The following VSIG1 variants were observed in gnomAD, a reference collection of about 807,000 sequenced individuals.
The protein encoded by VSIG1 is V-set and immunoglobulin domain containing 1, also known as V-set and immunoglobulin domain-containing protein 1.
VSIG1 carries 11 observed loss-of-function variants against 20.1 expected under a neutral mutation model. The observed-to-expected ratio is 0.55, with a 90% CI of 0.34 to 0.91. The LOEUF (loss-of-function observed/expected upper bound fraction) is 0.91, where lower values mean the gene tolerates loss of function less well. VSIG1 is among the 40% of genes least tolerant of loss of function. The pLI, the probability that VSIG1 is intolerant of heterozygous loss-of-function variation, is 0.02. For synonymous variants in VSIG1, 126 were observed against 116.7 expected (o/e 1.08, Z -0.52); for missense variants, 283 against 298.8 (o/e 0.95, Z 0.39).
At chrX:108,022,190 C>T in the VSIG1 span, among the ~76,000 whole-genome samples, 1 of 111,644 alleles carries the variant, frequency 9.0e-6, no homozygotes, top group African/African-American at 3.3e-5. Context: ...ACATGGGATG[C>T]CTTTCCATTT....
chrX:108,056,630 G>T (rs1020702020), intron 1 of VSIG1, among the ~76,000 whole-genome samples: 1 of 112,591 alleles, frequency 8.9e-6, no homozygotes, highest in African/African-American at 3.2e-5. Context: ...CCCATTAAAA[G>T]ATATTTAGCA....
At position 108,067,122 on chromosome X, in the gene VSIG1, G is replaced by C. The variant is rs199805320; in HGVS notation, c.400G>C (p.Val134Leu). The C allele has an allele frequency of 4.1e-6, 5 of 1,209,467 alleles. No individual in the cohort carries two copies. The East Asian group carries it at 1.5e-4, about 36-fold the overall frequency. ...CGGCCAAAACCAAGGCATCCTCAACGTCAGTGTGTTAGGTATGAGCACTTT... is the reference window on the plus strand; with the variant it reads ...CGGCCAAAACCAAGGCATCCTCAACCTCAGTGTGTTAGGTATGAGCACTTT... ...FLGQNQGILN[V>L]SVLVKPSKPL... is the part of the protein sequence containing the mutation. The change falls in exon 3 of 7, where the codon GTC (valine) becomes CTC (leucine). Residue 134 changes from valine to leucine, a missense_variant. Physicochemically the swap from Val to Leu is conservative, Grantham distance 32. Transcript: ENST00000217957.
At chrX:108,069,573 G>A (rs1183180056) in intron 3 of VSIG1, among the ~76,000 whole-genome samples, 1 of 111,290 alleles carries the variant, frequency 9.0e-6, no homozygotes. Context: ...GTGGGGAGAG[G>A]TGTTGATATT....
At chrX:108,035,289 C>T in the VSIG1 span, among the ~76,000 whole-genome samples, 7 of 110,689 alleles carry the variant, frequency 6.3e-5, no homozygotes, top group Non-Finnish European at 7.6e-5. Flanking sequence ...TTAGTAGAGG[C>T]GGGGTTTCAT....
rs1017804573 is a variant in VSIG1 at position 108,067,073 on chromosome X, T to C, written c.351T>C (p.Asp117=). 1 of 1,209,707 alleles carries C rather than the reference T, an allele frequency of 8.3e-7. No individual in the cohort carries two copies. Among genetic ancestry groups the C allele is most frequent in the Non-Finnish European group, 1.1e-6 (1 of 895,144 alleles). ...CAGACAGTGGAATTTACATCTGCGA[T>C]GTTAACAACCCCCCAGACTTTCTCG... ...QPADSGIYIC[D]VNNPPDFLGQ... The change falls in exon 3 of 7, where the codon GAT becomes GAC. Residue 117 remains aspartate, a synonymous_variant. Transcript: ENST00000217957.
At chrX:108,071,825 T>G (rs1384137010) in intron 3 of VSIG1, among the ~76,000 whole-genome samples, 1 of 102,888 alleles carries the variant, frequency 9.7e-6, no homozygotes, top group African/African-American at 3.6e-5. Context: ...GGACTTCCCC[T>G]ACTGATGATG....
the VSIG1 span, among the ~76,000 whole-genome samples, chrX:108,032,355 C>T: frequency 4.5e-5 from 5 of 112,020 alleles, no homozygotes; most frequent in African/African-American, 1.3e-4. Context: ...TCCATTTATT[C>T]AGTAAATATT....
chrX:108,052,161 G>C (rs1243417535), intron 1 of VSIG1, among the ~76,000 whole-genome samples: 1 of 111,648 alleles, frequency 9.0e-6, no homozygotes, highest in African/African-American at 3.3e-5. Context: ...AGTGTACACT[G>C]TTCGGGTAAT....
chrX:108,038,921 A>G, the VSIG1 span, among the ~76,000 whole-genome samples: 1 of 111,892 alleles, frequency 8.9e-6, no homozygotes, highest in African/African-American at 3.2e-5. Flanking sequence ...CAGCATAAGA[A>G]TTAATGATAT....
At chrX:108,051,710 A>G in intron 1 of VSIG1, among the ~76,000 whole-genome samples, 1 of 111,836 alleles carries the variant, frequency 8.9e-6, no homozygotes, top group Non-Finnish European at 1.9e-5. Flanking sequence ...CAAAGTAGCC[A>G]TCATAAAAAT....
intron 3 of VSIG1, among the ~76,000 whole-genome samples, chrX:108,071,825 T>C (rs1384137010): frequency 9.7e-6 from 1 of 102,888 alleles, no homozygotes; most frequent in African/African-American, 3.6e-5. Context: ...GGACTTCCCC[T>C]ACTGATGATG....
chrX:108,072,591 T>G (rs1297941938), intron 3 of VSIG1, 86 bp from the exon 4 acceptor site: 5 of 947,247 alleles, frequency 5.3e-6, no homozygotes, highest in Non-Finnish European at 4.4e-6. Context: ...CACATATTAT[T>G]CAAAATGAAA....
chrX:108,066,017 T>G (rs2147930092), intron 2 of VSIG1, among the ~76,000 whole-genome samples: 1 of 111,579 alleles, frequency 9.0e-6, no homozygotes, highest in African/African-American at 3.3e-5. Context: ...TGTGACTAAC[T>G]CAAGCCACCT....
At chrX:108,047,969 T>TATATATATATATACAC (rs2030686713) in intron 1 of VSIG1, among the ~76,000 whole-genome samples, 2 of 43,075 alleles carry the variant, frequency 4.6e-5, no homozygotes, top group Non-Finnish European at 8.3e-5. Flanking sequence ...CACATATATA[T>TATATATATATATACAC]ATATATATAT....
intron 1 of VSIG1, among the ~76,000 whole-genome samples, chrX:108,047,176 T>C (rs779292005): frequency 1.8e-5 from 2 of 111,632 alleles, no homozygotes; most frequent in Admixed American, 1.9e-4. Flanking sequence ...GCCTAACACA[T>C]AGTGGATGCA....
chrX:108,041,364 A>T (rs2030476693), upstream of VSIG1, among the ~76,000 whole-genome samples: 1 of 111,740 alleles, frequency 8.9e-6, no homozygotes, highest in South Asian at 3.7e-4. Context: ...CCAATAAGAG[A>T]ATGATTAAAT....
At chrX:108,054,163 A>C (rs981232089) in intron 1 of VSIG1, among the ~76,000 whole-genome samples, 1 of 112,176 alleles carries the variant, frequency 8.9e-6, no homozygotes, top group Non-Finnish European at 1.9e-5. Flanking sequence ...AAGAAAGTTA[A>C]AAGAGATAAA....
chrX:108,060,091 A>T (rs781330790), intron 2 of VSIG1, among the ~76,000 whole-genome samples: 3 of 111,781 alleles, frequency 2.7e-5, no homozygotes, highest in Non-Finnish European at 3.8e-5. Flanking sequence ...AGGGAAGAAG[A>T]TATGGTGATT....
chrX:108,066,726 T>G (rs1365003417), intron 2 of VSIG1, among the ~76,000 whole-genome samples: 2 of 111,802 alleles, frequency 1.8e-5, no homozygotes, highest in East Asian at 5.7e-4. Context: ...CCTGATGACA[T>G]CACAGAGCTG....
Sources: allele counts gnomAD v4.1 joint callset (sites outside exome capture counted in the v4.1 genomes callset), GRCh38; gene constraint gnomAD v4.1.1; transcripts MANE v1.5; gene names NCBI Gene and HGNC (gene_info 2026-07-23, HGNC 2026-07-21).